Variants in NTM observed in about 807,000 individuals in gnomAD.
The protein encoded by NTM is IgLON family member 2.
Under a neutral mutation model 42.1 loss-of-function variants are expected in NTM, and 13 were observed. The ratio of observed to expected loss-of-function variants is 0.31; its 90% CI spans 0.20 to 0.49. The LOEUF (loss-of-function observed/expected upper bound fraction) is 0.49. Among genes scored for constraint, NTM ranks in the 20% least tolerant of loss-of-function variants. The pLI is 0.99. For missense variants in NTM, 373 were observed against 452.8 expected, an observed-to-expected ratio of 0.82 and a Z score of 1.60; for synonymous variants, 187 against 179.2, an observed-to-expected ratio of 1.04 and a Z score of -0.35.
intron 2 of NTM, among the ~76,000 whole-genome samples, chr11:132,067,792 C>A (rs1366976210): frequency 1.3e-5 from 2 of 152,210 alleles, no homozygotes; most frequent in African/African-American, 2.4e-5. Flanking sequence ...TCACAGTCAT[C>A]TTTCCTTTTT....
intron 1 of NTM, among the ~76,000 whole-genome samples, chr11:131,777,373 A>G (rs1427873225): frequency 6.6e-6 from 1 of 151,788 alleles, no homozygotes. Context: ...TATATAAGGG[A>G]TATTTTTAAA....
chr11:132,320,967 T>C (rs1314640576), intron 7 of NTM, among the ~76,000 whole-genome samples: 1 of 150,958 alleles, frequency 6.6e-6, no homozygotes, highest in Non-Finnish European at 1.5e-5. Flanking sequence ...CTGAGGGTCC[T>C]GTCTGTTAGA....
At chr11:131,699,297 A>G (rs2075815632) in intron 1 of NTM, among the ~76,000 whole-genome samples, 1 of 152,202 alleles carries the variant, frequency 6.6e-6, no homozygotes, top group Non-Finnish European at 1.5e-5. Flanking sequence ...GTCCACCTAC[A>G]ATAATCAGGC....
rs1356618882 is a variant in NTM, at chr11:132,314,590, G to C, written c.821G>C (p.Arg274Thr). 3 of 1,613,514 alleles carry C rather than the reference G, an allele frequency of 1.9e-6. No homozygotes were observed. The highest frequency in any genetic ancestry group is 1.3e-5 in the African/African-American group (1 of 74,934). The change falls in exon 7 of 9, where the codon AGA (arginine) becomes ACA (threonine). Residue 274 changes from arginine (R) to threonine (T), a missense_variant. This residue lies in a region of NTM where 312 missense variants were observed against 353.5 expected (regional missense o/e 0.88). Coordinates refer to ENST00000683400, the MANE Select transcript of NTM (RefSeq NM_001352005.2). ...EGKKGVKVEN[R>T]PFLSKLIFFN... ...AAGAAAGGGGTGAAAGTGGAAAACA[G>C]ACCTTTCCTCTCAAAACTCATCTTC...
intron 1 of NTM, among the ~76,000 whole-genome samples, chr11:131,806,937 C>T (rs891518879): frequency 3.3e-5 from 5 of 152,094 alleles, no homozygotes; most frequent in African/African-American, 1.2e-4. Context: ...ATAAATATTG[C>T]CATGGGGATA....
At chr11:132,042,672 C>A (rs1453643129) in intron 2 of NTM, among the ~76,000 whole-genome samples, 1 of 152,172 alleles carries the variant, frequency 6.6e-6, no homozygotes, top group Admixed American at 6.5e-5. Context: ...ATCAGAAGCT[C>A]GCAGACATCA....
chr11:132,037,710 C>T (rs1415535618), intron 2 of NTM, among the ~76,000 whole-genome samples: 35 of 152,298 alleles, frequency 2.3e-4, no homozygotes, highest in Admixed American at 1.9e-3. Context: ...GTCATTAACA[C>T]GCTCTCCTAC....
chr11:132,208,949 G>C (rs1358596310), intron 3 of NTM, among the ~76,000 whole-genome samples: 1 of 152,152 alleles, frequency 6.6e-6, no homozygotes. Flanking sequence ...TCTGCAGGCA[G>C]CCTGTCCTCC....
At chr11:131,588,836 TAA>T (rs1378337232) in intron 1 of NTM, among the ~76,000 whole-genome samples, 2 of 152,328 alleles carry the variant, frequency 1.3e-5, no homozygotes, top group East Asian at 3.9e-4. Flanking sequence ...TTAAATGGGG[TAA>T]AGACATTAAC....
chr11:131,388,791 C>T (rs1027975404), intron 1 of NTM, among the ~76,000 whole-genome samples: 9 of 151,294 alleles, frequency 5.9e-5, no homozygotes, highest in Admixed American at 5.9e-4. Flanking sequence ...GCGGGCGAAT[C>T]ACTTGAGGTC....
intron 1 of NTM, among the ~76,000 whole-genome samples, chr11:131,857,827 G>T (rs2046252437): frequency 6.6e-6 from 1 of 152,028 alleles, no homozygotes; most frequent in African/African-American, 2.4e-5. Context: ...CATCCTCCCT[G>T]CACCCTCCTG....
At chr11:131,520,487 C>A (rs1193821000) in intron 1 of NTM, among the ~76,000 whole-genome samples, 3 of 152,156 alleles carry the variant, frequency 2.0e-5, no homozygotes, top group Non-Finnish European at 4.4e-5. Flanking sequence ...TGTCTCATCT[C>A]TTTGATGTCT....
intron 1 of NTM, among the ~76,000 whole-genome samples, chr11:131,778,111 A>T (rs1335854416): frequency 3.3e-5 from 5 of 152,222 alleles, no homozygotes; most frequent in Non-Finnish European, 7.3e-5. Context: ...CATAGGATGA[A>T]AAGGTAAACC....
chr11:132,205,357 T>C (rs2081832713), intron 3 of NTM, among the ~76,000 whole-genome samples: 1 of 152,212 alleles, frequency 6.6e-6, no homozygotes, highest in Admixed American at 6.5e-5. Flanking sequence ...TTGCTATTTA[T>C]TAATGACATA....
intron 1 of NTM, among the ~76,000 whole-genome samples, chr11:131,888,500 A>G (rs536795104): frequency 4.6e-5 from 7 of 152,162 alleles, no homozygotes; most frequent in Admixed American, 1.3e-4. Flanking sequence ...GTTCAGCCCC[A>G]GGTTTGGTTC....
chr11:132,291,142 T>G (rs993081194), intron 4 of NTM, among the ~76,000 whole-genome samples: 1 of 152,126 alleles, frequency 6.6e-6, no homozygotes. Flanking sequence ...AAAATTAAAA[T>G]AGATAATATT....
chr11:131,393,959 C>G (rs1026432106), intron 1 of NTM, among the ~76,000 whole-genome samples: 1 of 152,200 alleles, frequency 6.6e-6, no homozygotes, highest in Admixed American at 6.5e-5. Flanking sequence ...CCTAGATGTA[C>G]AATTCCATTA....
chr11:131,473,041 C>A (rs553014349), intron 1 of NTM, among the ~76,000 whole-genome samples: 4 of 152,190 alleles, frequency 2.6e-5, no homozygotes, highest in Admixed American at 2.6e-4. Context: ...AAAATAATAG[C>A]CAATATTTCC....
At chr11:131,394,911 G>A (rs903691049) in intron 1 of NTM, among the ~76,000 whole-genome samples, 1 of 152,220 alleles carries the variant, frequency 6.6e-6, no homozygotes, top group Non-Finnish European at 1.5e-5. Context: ...AATAAAGCAG[G>A]TGAAACAGAA....
Sources: allele counts gnomAD v4.1 joint callset (sites outside exome capture counted in the v4.1 genomes callset), GRCh38; gene constraint gnomAD v4.1.1; regional missense constraint gnomAD v4.1.1; transcripts MANE v1.5; gene names NCBI Gene and HGNC (gene_info 2026-07-23, HGNC 2026-07-21).